The following LCA5L variants were observed in gnomAD, a reference collection of about 807,000 sequenced individuals.
LCA5L encodes the protein lebercilin-like protein.
In LCA5L, 35 loss-of-function variants were observed where a neutral mutation model predicts 45.4. The observed-to-expected ratio is 0.77, with a 90% confidence interval of 0.59 to 1.02. The LOEUF (loss-of-function observed/expected upper bound fraction) is 1.02. Among genes scored for constraint, LCA5L ranks in the 50% least tolerant of loss-of-function variants. LCA5L has a pLI of 0.00. For synonymous variants in LCA5L, 233 were observed against 264.7 expected, an observed-to-expected ratio of 0.88 and a Z score of 1.16; for missense variants, 668 against 761.6, an observed-to-expected ratio of 0.88 and a Z score of 1.45.
At chr21:39,440,109 C>T (rs1201785314) in intron 2 of LCA5L, among the ~76,000 whole-genome samples, 1 of 151,918 alleles carries the variant, frequency 6.6e-6, no homozygotes, top group Admixed American at 6.6e-5. Context: ...GTATTTTTCC[C>T]CTAACTCTGC....
chr21:39,417,929 T>C (rs942573654), intron 7 of LCA5L, among the ~76,000 whole-genome samples: 15 of 151,922 alleles, frequency 9.9e-5, no homozygotes, highest in South Asian at 4.1e-4. Flanking sequence ...CCATGCCTGG[T>C]TAATTTTTTG....
At chr21:39,423,531 ACAGATATG>A in intron 5 of LCA5L, 41 bp from the exon 6 acceptor site, 1 of 1,489,040 alleles carries the variant, frequency 6.7e-7, no homozygotes, top group Admixed American at 2.3e-5. Flanking sequence ...AGTAAAATAT[ACAGATATG>A]CAAATATGCA....
chr21:39,445,229 A>AT (rs911849665), intron 1 of LCA5L, among the ~76,000 whole-genome samples: 11 of 152,148 alleles, frequency 7.2e-5, no homozygotes, highest in African/African-American at 2.7e-4. Context: ...CAGAGAAGAC[A>AT]TTTCAAAAGA....
Position 39,433,192 on chromosome 21 carries a change from G to A in LCA5L, c.-92+2228C>T, listed in dbSNP as rs142145417. 2.7e-3 allele frequency among the ~76,000 whole-genome samples: 413 copies of A among 152,170 alleles called. 7 individuals are homozygous for A. Among genetic ancestry groups the A allele is most frequent in the East Asian group, 0.025 (131 of 5,160 alleles). On this transcript the variant is annotated intron_variant, in intron 3 of 10. Transcript: ENST00000288350. ...AGCACTTTGGGAGGCCAAGACAGGC[G>A]GATTGCCTGAGGTCAGGAGTTCGTG...
chr21:39,410,801 T>C (rs79340961), intron 8 of LCA5L: 4 of 470,254 alleles, frequency 8.5e-6, no homozygotes, highest in African/African-American at 4.0e-5. Flanking sequence ...AATTATATCA[T>C]TTAAACAACC....
chr21:39,405,922 G>T lies in LCA5L; in HGVS notation c.1973C>A (p.Pro658Gln). ...TCTTTTTCCTTCTGTAGGTGACGATGGCTTAATAGAATTTACCACAGTTAC... is the reference window on the plus strand; with the variant it reads ...TCTTTTTCCTTCTGTAGGTGACGATTGCTTAATAGAATTTACCACAGTTAC... ...SKVTVVNSIKPSSPTEGKRKI... is the reference protein window; with the variant it reads ...SKVTVVNSIKQSSPTEGKRKI... Residue 658 changes from proline (P) to glutamine (Q), a missense_variant, in exon 11 of 11, where the codon CCA (proline) becomes CAA (glutamine). Transcript: ENST00000288350. The T allele has an allele frequency of 6.2e-7, 1 of 1,607,226 alleles. No homozygotes were observed. Among genetic ancestry groups the T allele is most frequent in the South Asian group, 1.1e-5 (1 of 90,630 alleles).
chr21:39,410,433 CATAAA>C (rs1355297832), intron 8 of LCA5L, 66 bp from the exon 9 acceptor site: 9 of 833,804 alleles, frequency 1.1e-5, no homozygotes, highest in Admixed American at 7.5e-5. Context: ...TGATTTTAAA[CATAAA>C]ATAACTTTTA....
intron 7 of LCA5L, among the ~76,000 whole-genome samples, chr21:39,419,485 A>G (rs1008584830): frequency 6.8e-6 from 1 of 147,272 alleles, no homozygotes; most frequent in Non-Finnish European, 1.5e-5. Flanking sequence ...GGATGGTGCC[A>G]CCGCATTCTA....
chr21:39,419,469 G>A (rs2041888599), intron 7 of LCA5L, among the ~76,000 whole-genome samples: 1 of 146,228 alleles, frequency 6.8e-6, no homozygotes, highest in African/African-American at 2.6e-5. Context: ...AGGCTGCAGT[G>A]AGCCAGGATG....
intron 1 of LCA5L, among the ~76,000 whole-genome samples, chr21:39,445,065 A>G (rs1449474820): frequency 6.8e-6 from 1 of 146,886 alleles, no homozygotes; most frequent in Non-Finnish European, 1.5e-5. Context: ...TTGAGTGTAG[A>G]CAGAAAAAAG....
intron 3 of LCA5L, among the ~76,000 whole-genome samples, chr21:39,430,468 T>C (rs1235138612): frequency 1.3e-5 from 2 of 152,182 alleles, no homozygotes; most frequent in Non-Finnish European, 2.9e-5. Context: ...TAGAAGGTGA[T>C]GGACAATTTG....
In LCA5L at chr21:39,405,865, T is replaced by G; in HGVS notation, c.*17A>C. 1.3e-6 allele frequency: 2 copies of G among 1,518,300 alleles called. No individual in the cohort carries two copies. Among genetic ancestry groups the G allele is most frequent in the East Asian group, 4.8e-5 (2 of 41,944 alleles). The allele number at this position is 1,518,300 out of a possible 1,614,324, so 94.1% of individuals were successfully genotyped here. On this transcript the variant is annotated 3_prime_UTR_variant, in exon 11 of 11. Transcript: ENST00000288350. ...AGCATTATATCAAACCAGAATGCATTAGGATATTGATTATATTTAAATAAT... is the reference window on the plus strand; with the variant it reads ...AGCATTATATCAAACCAGAATGCATGAGGATATTGATTATATTTAAATAAT...
At chr21:39,416,661 A>AT (rs111455209) in intron 7 of LCA5L, among the ~76,000 whole-genome samples, 73 of 149,652 alleles carry the variant, frequency 4.9e-4, no homozygotes, top group Admixed American at 1.5e-3. Flanking sequence ...TTACTTCTGT[A>AT]TTTTTTTTTT....
chr21:39,418,846 G>A (rs1163499566), intron 7 of LCA5L, among the ~76,000 whole-genome samples: 1 of 152,080 alleles, frequency 6.6e-6, no homozygotes, highest in African/African-American at 2.4e-5. Flanking sequence ...TCATATGTCT[G>A]CATGAGGAAG....
At chr21:39,419,523 C>CA (rs5843964) in intron 7 of LCA5L, among the ~76,000 whole-genome samples, 66,796 of 123,326 alleles carry the variant, frequency 0.54, 17,794 homozygotes, top group East Asian at 0.68. Context: ...AGACCCTGTT[C>CA]AAAAAAAAAA....
chr21:39,406,661 T>G (rs770016441), intron 10 of LCA5L, 49 bp from the exon 11 acceptor site: 1 of 1,417,700 alleles, frequency 7.1e-7, no homozygotes. Context: ...TGAATGGATC[T>G]CTATTTCAAG....
rs1012188861 is a variant in LCA5L, at chr21:39,436,623, A to G, written c.-245-1050T>C. On this transcript the variant is annotated intron_variant, in intron 2 of 10. Coordinates refer to ENST00000288350, the MANE Select transcript of LCA5L (RefSeq NM_152505.4). The stretch of plus-strand genomic sequence containing the variant: ...CAGCTTTTCAAGTAGCTGGGACTAC[A>G]GGCATGTGTCACCATGCCCAACTAA... 2.6e-5 allele frequency among the ~76,000 whole-genome samples: 4 copies of G among 152,254 alleles called. No individual in the cohort carries two copies. In the East Asian group the frequency reaches 7.7e-4, roughly 29 times the overall value.
chr21:39,435,643 G>GT lies in LCA5L; in HGVS notation c.-245-71dup, dbSNP rs2076214873. 9.9e-5 allele frequency: 15 copies of GT among 152,218 alleles called. 1 individual carries two copies. In the South Asian group the frequency reaches 3.1e-3, roughly 32 times the overall value. The allele number at this position is 152,218 out of a possible 1,614,324, so 9.4% of individuals were successfully genotyped here. On this transcript the variant is annotated intron_variant, in intron 2 of 10. Transcript: ENST00000288350. ...AACATATTTATGTAATAAGAATAAG[G>GT]TTTTGAAGCAGTTTTAATTAATATA...
In LCA5L at chr21:39,406,234, C is replaced by A. The variant is rs1361670225; in HGVS notation, c.1661G>T (p.Ser554Ile). ...ANAGNMRYSH[S>I]TGKHLSNREE... ...TCTGTTACTGAGATGCTTGCCTGTA[C>A]TATGACTGTACCTCATGTTGCCGGC... The change falls in exon 11 of 11, where the codon AGT becomes ATT. Residue 554 changes from serine to isoleucine, a missense_variant. Ser to Ile is a moderately radical substitution (Grantham distance 142). Coordinates refer to ENST00000288350, the MANE Select transcript of LCA5L (RefSeq NM_152505.4). 6.2e-7 allele frequency: 1 copy of A among 1,614,252 alleles called. No individual in the cohort carries two copies. Among genetic ancestry groups the A allele is most frequent in the South Asian group, 1.1e-5 (1 of 91,088 alleles).
Sources: allele counts gnomAD v4.1 joint callset (sites outside exome capture counted in the v4.1 genomes callset), GRCh38; gene constraint gnomAD v4.1.1; transcripts MANE v1.5; gene names NCBI Gene and HGNC (gene_info 2026-07-23, HGNC 2026-07-21).